AKAP19: variants seen among roughly 807,000 people sequenced by gnomAD.
AKAP19 encodes the protein small A-kinase anchoring protein.
the AKAP19 span, among the ~76,000 whole-genome samples, chr2:189,944,697 A>G: frequency 3.3e-5 from 5 of 152,232 alleles, no homozygotes; most frequent in Non-Finnish European, 5.9e-5. Context: ...TCATCCAGAT[A>G]GAAAATTAAC....
chr2:190,084,451 C>A, the AKAP19 span, among the ~76,000 whole-genome samples: 1 of 152,028 alleles, frequency 6.6e-6, no homozygotes, highest in Non-Finnish European at 1.5e-5. Flanking sequence ...GGTTTGAGAC[C>A]ACTGATGGGA....
At chr2:190,111,195 T>C in the AKAP19 span, among the ~76,000 whole-genome samples, 1 of 152,134 alleles carries the variant, frequency 6.6e-6, no homozygotes, top group African/African-American at 2.4e-5. Context: ...GACAGAGGCA[T>C]AGGATCTACC....
chr2:189,957,541 TTAAC>T, the AKAP19 span, among the ~76,000 whole-genome samples: 1 of 152,204 alleles, frequency 6.6e-6, no homozygotes. Context: ...AAACAGCCAT[TTAAC>T]TAGCCATTTG....
At chr2:190,190,491 T>A in the AKAP19 span, among the ~76,000 whole-genome samples, 1 of 152,238 alleles carries the variant, frequency 6.6e-6, no homozygotes, top group African/African-American at 2.4e-5. Flanking sequence ...CTTTGACTAT[T>A]GTGAATAAAG....
At chr2:190,031,217 A>G in the AKAP19 span, among the ~76,000 whole-genome samples, 1 of 152,202 alleles carries the variant, frequency 6.6e-6, no homozygotes, top group Non-Finnish European at 1.5e-5. Flanking sequence ...TGAATACTGT[A>G]GTGGAATTAG....
At chr2:190,052,695 G>A in the AKAP19 span, among the ~76,000 whole-genome samples, 1 of 152,144 alleles carries the variant, frequency 6.6e-6, no homozygotes, top group African/African-American at 2.4e-5. Flanking sequence ...CTTAACACTT[G>A]TAGGAAAAGG....
At chr2:190,163,448 C>CAA in the AKAP19 span, among the ~76,000 whole-genome samples, 57 of 127,478 alleles carry the variant, frequency 4.5e-4, no homozygotes, top group African/African-American at 1.6e-3. Context: ...AAACAAAAAA[C>CAA]AAAAAACAAA....
At chr2:189,892,361 C>T in the AKAP19 span, among the ~76,000 whole-genome samples, 3 of 151,770 alleles carry the variant, frequency 2.0e-5, no homozygotes, top group African/African-American at 7.3e-5. Context: ...TTTTTCTCAT[C>T]TTCGTGGATT....
the AKAP19 span, among the ~76,000 whole-genome samples, chr2:190,185,479 G>C: frequency 1.3e-5 from 2 of 152,154 alleles, no homozygotes; most frequent in Non-Finnish European, 1.5e-5. Context: ...TTACTAGTTG[G>C]TCAGAGCTCC....
the AKAP19 span, chr2:190,164,026 T>G: frequency 6.6e-6 from 1 of 152,212 alleles, no homozygotes; most frequent in Admixed American, 6.5e-5. Flanking sequence ...AGCTACTGAA[T>G]GAGACCGACT....
chr2:190,075,686 T>A, the AKAP19 span, among the ~76,000 whole-genome samples: 1 of 152,180 alleles, frequency 6.6e-6, no homozygotes, highest in Non-Finnish European at 1.5e-5. Flanking sequence ...TTATGTTGTA[T>A]CTTTTCCCAT....
chr2:190,028,059 T>C, the AKAP19 span, among the ~76,000 whole-genome samples: 1 of 152,168 alleles, frequency 6.6e-6, no homozygotes, highest in Non-Finnish European at 1.5e-5. Flanking sequence ...ATTCTCCTGC[T>C]CTCTGCACAT....
At chr2:189,973,870 C>G in the AKAP19 span, among the ~76,000 whole-genome samples, 1 of 151,974 alleles carries the variant, frequency 6.6e-6, no homozygotes, top group Admixed American at 6.6e-5. Flanking sequence ...TGACTCCTCT[C>G]TCTTTTCTTA....
At chr2:189,969,897 G>T in the AKAP19 span, among the ~76,000 whole-genome samples, 3 of 132,904 alleles carry the variant, frequency 2.3e-5, no homozygotes, top group Admixed American at 7.9e-5. Context: ...TTTGAGACAG[G>T]GTCTCACTCT....
the AKAP19 span, among the ~76,000 whole-genome samples, chr2:189,936,588 A>G: frequency 1.3e-5 from 2 of 152,154 alleles, no homozygotes; most frequent in Non-Finnish European, 2.9e-5. Context: ...AAAATCAAGG[A>G]TATTCTGTAG....
At chr2:189,933,743 G>A in the AKAP19 span, among the ~76,000 whole-genome samples, 5 of 152,056 alleles carry the variant, frequency 3.3e-5, no homozygotes, top group Non-Finnish European at 7.4e-5. Flanking sequence ...CAGTTTCTAA[G>A]AGACTATAGG....
At chr2:189,931,108 T>C in the AKAP19 span, 2 of 367,866 alleles carry the variant, frequency 5.4e-6, no homozygotes, top group Admixed American at 4.8e-5. Context: ...TTTGAGACTA[T>C]GTAAATATAT....
chr2:189,997,871 C>T, the AKAP19 span, among the ~76,000 whole-genome samples: 1 of 152,076 alleles, frequency 6.6e-6, no homozygotes, highest in South Asian at 2.1e-4. Flanking sequence ...TTTCTTTCAC[C>T]CTGCATACCT....
the AKAP19 span, among the ~76,000 whole-genome samples, chr2:189,975,878 A>T: frequency 6.6e-6 from 1 of 152,132 alleles, no homozygotes; most frequent in African/African-American, 2.4e-5. Context: ...CTAGTTAGCC[A>T]TTCGTCTAAT....
Sources: allele counts gnomAD v4.1 joint callset (sites outside exome capture counted in the v4.1 genomes callset), GRCh38; gene constraint gnomAD v4.1.1; transcripts MANE v1.5; gene names NCBI Gene and HGNC (gene_info 2026-07-23, HGNC 2026-07-21).